Variants in LPCAT1 observed in about 807,000 individuals in gnomAD.
The protein encoded by LPCAT1 is 1-acylglycerol-3-phosphate O-acyltransferase.
LPCAT1 carries 23 observed loss-of-function variants against 60.9 expected under a neutral mutation model. The ratio of observed to expected loss-of-function variants is 0.38; its 90% CI spans 0.27 to 0.53. The LOEUF is 0.53. Ranked by LOEUF, LPCAT1 falls within the 20% of genes least tolerant of loss-of-function variation. The pLI is 0.82. For synonymous variants in LPCAT1, 340 were observed against 301.1 expected (o/e 1.13, Z -1.34); for missense variants, 622 against 723.6 (o/e 0.86, Z 1.61).
At chr5:1,520,950 A>G (rs1162158999) in intron 1 of LPCAT1, among the ~76,000 whole-genome samples, 2 of 152,056 alleles carry the variant, frequency 1.3e-5, no homozygotes, top group Non-Finnish European at 2.9e-5. Flanking sequence ...ACTCATACCC[A>G]CAGATTCCAA....
Position 1,463,373 on chromosome 5 carries a change from C to T in LPCAT1, c.*278G>A, listed in dbSNP as rs1474149184. On this transcript the variant is annotated 3_prime_UTR_variant, in exon 14 of 14. Transcript: ENST00000283415. ...CCCGTGGGAGAACACGGGGCGGCAC[C>T]GGTGCCCCCCGCCCGGCAGGGAACC... 2.3e-5 allele frequency: 10 copies of T among 440,242 alleles called. No individual in the cohort carries two copies. The highest frequency in any genetic ancestry group is 1.1e-4 in the East Asian group (3 of 26,646). 27.3% of individuals were successfully genotyped at this position (440,242 alleles called of 1,614,324 possible).
At position 1,466,742 on chromosome 5, in the gene LPCAT1, G is replaced by A. The variant is rs751091866; in HGVS notation, c.1420+7C>T. 5.0e-6 allele frequency: 8 copies of A among 1,608,632 alleles called. No individual in the cohort carries two copies. The highest frequency in any genetic ancestry group is 6.8e-6 in the Non-Finnish European group (8 of 1,176,616). ...TCGCGAGGACGACCCCACTCCTGCG[G>A]GCTCACCGAATGTGATCTTCCCCTT... is the stretch of plus-strand genomic sequence containing the variant. On this transcript the variant is annotated splice_region_variant and intron_variant, in intron 13 of 13. Transcript: ENST00000283415.
chr5:1,492,625 C>A (rs1331503531), intron 3 of LPCAT1, among the ~76,000 whole-genome samples: 1 of 152,254 alleles, frequency 6.6e-6, no homozygotes, highest in Non-Finnish European at 1.5e-5. Context: ...GAGGGCCCTG[C>A]ACACAGCAGC....
At chr5:1,497,383 C>A (rs999837694) in intron 2 of LPCAT1, among the ~76,000 whole-genome samples, 1 of 152,164 alleles carries the variant, frequency 6.6e-6, no homozygotes, top group Non-Finnish European at 1.5e-5. Context: ...CAGGCGCAGG[C>A]CCCGGCTCTG....
At chr5:1,489,725 A>C (rs750500349) in intron 4 of LPCAT1, 21 bp downstream of exon 4, 1 of 1,519,186 alleles carries the variant, frequency 6.6e-7, no homozygotes, top group Admixed American at 1.7e-5. Flanking sequence ...ACTGAAACAC[A>C]ATCAGGGCTA....
rs969961528 is a variant in LPCAT1 at position 1,481,104 on chromosome 5, G to C, written c.727-128C>G. The C allele has an allele frequency of 1.3e-5, 15 of 1,176,588 alleles. No individual in the cohort carries two copies. The highest frequency in any genetic ancestry group is 1.2e-4 in the East Asian group (5 of 42,516). The allele number at this position is 1,176,588 out of a possible 1,614,324, so 72.9% of individuals were successfully genotyped here. On this transcript the variant is annotated intron_variant, in intron 6 of 13. Coordinates refer to ENST00000283415, the MANE Select transcript of LPCAT1 (RefSeq NM_024830.5). This position sits in a 1 kb window ranked among gnomAD's most constrained non-coding sequence, Gnocchi z 7.8. Reference sequence around the variant, plus strand: ...AGGCGCTGCAGCCAGGGGGAAGGGAGGAGGGTGCTAGAGCTCCAGCTTCCC... The same window carrying C: ...AGGCGCTGCAGCCAGGGGGAAGGGACGAGGGTGCTAGAGCTCCAGCTTCCC...
At chr5:1,520,872 A>G (rs1251174776) in intron 1 of LPCAT1, among the ~76,000 whole-genome samples, 2 of 151,012 alleles carry the variant, frequency 1.3e-5, no homozygotes, top group Admixed American at 6.6e-5. Flanking sequence ...AAAAAAAAAA[A>G]AAAAAAAGAA....
chr5:1,478,719 C>T (rs1735020608), intron 8 of LPCAT1, among the ~76,000 whole-genome samples: 1 of 152,274 alleles, frequency 6.6e-6, no homozygotes, highest in South Asian at 2.1e-4. Flanking sequence ...TTTCGTAGTG[C>T]TCTCCAATAT....
intron 4 of LPCAT1, 137 bp downstream of exon 4, chr5:1,489,609 G>T: frequency 1.3e-6 from 1 of 743,878 alleles, no homozygotes; most frequent in Non-Finnish European, 2.4e-6. Context: ...GCACCCTCCT[G>T]AGTTCACGCA....
intron 3 of LPCAT1, among the ~76,000 whole-genome samples, chr5:1,491,456 C>T (rs987593737): frequency 2.8e-4 from 39 of 139,754 alleles, no homozygotes; most frequent in African/African-American, 1.0e-3. Context: ...AGAACAGTGA[C>T]GTGGGGGCGT....
chr5:1,481,117 G>A lies in LPCAT1; in HGVS notation c.727-141C>T, dbSNP rs1735123621. 3 of 1,047,904 alleles carry A rather than the reference G, an allele frequency of 2.9e-6. No individual in the cohort carries two copies. Among genetic ancestry groups the A allele is most frequent in the Admixed American group, 1.9e-5 (1 of 53,504 alleles). 64.9% of individuals were successfully genotyped at this position (1,047,904 alleles called of 1,614,324 possible). The stretch of plus-strand genomic sequence containing the variant: ...AGGGGGAAGGGAGGAGGGTGCTAGA[G>A]CTCCAGCTTCCCAGAGTCCCTGAGG... On this transcript the variant is annotated intron_variant, in intron 6 of 13. Coordinates refer to ENST00000283415, the MANE Select transcript of LPCAT1 (RefSeq NM_024830.5). This position sits in a 1 kb window ranked among gnomAD's most constrained non-coding sequence, Gnocchi z 7.8.
At position 1,489,770 on chromosome 5, in the gene LPCAT1, C is replaced by T. The variant is rs1355715766; in HGVS notation, c.582G>A (p.Ala194=). 1.1e-5 allele frequency: 18 copies of T among 1,613,574 alleles called. No homozygotes were observed. The highest frequency in any genetic ancestry group is 1.7e-5 in the Admixed American group (1 of 60,012). ...RKTVEEIKRR[A]QSNGKWPQIM... ...CCTGTGGCCACTTTCCGTTGGACTG[C>T]GCCCGTCTCTTGATTTCTTCTACTG... The change falls in exon 4 of 14, where the codon GCG becomes GCA. Residue 194 remains alanine (A), a synonymous_variant. Transcript: ENST00000283415.
intron 1 of LPCAT1, among the ~76,000 whole-genome samples, chr5:1,520,631 C>T (rs1471759888): frequency 2.0e-5 from 3 of 152,018 alleles, no homozygotes; most frequent in East Asian, 3.9e-4. Context: ...GAGGCCGAGG[C>T]GGGAGGATCA....
At chr5:1,517,920 C>T (rs116577621) in intron 1 of LPCAT1, among the ~76,000 whole-genome samples, 1,949 of 152,348 alleles carry the variant, frequency 0.013, 47 homozygotes, top group African/African-American at 0.042. Context: ...TCAGGAGAGC[C>T]GCATCCGGAA....
intron 8 of LPCAT1, among the ~76,000 whole-genome samples, chr5:1,478,648 GA>G (rs1363792306): frequency 1.3e-5 from 2 of 152,280 alleles, no homozygotes; most frequent in African/African-American, 4.8e-5. Flanking sequence ...CCTCTGTAAT[GA>G]GAGCAGCTTA....
Position 1,480,369 on chromosome 5 carries a change from T to C in LPCAT1, c.761+573A>G, listed in dbSNP as rs555676529. 3.0e-6 allele frequency: 3 copies of C among 985,278 alleles called. No individual in the cohort carries two copies. The highest frequency in any genetic ancestry group is 1.1e-4 in the East Asian group (1 of 8,786). 61.0% of individuals were successfully genotyped at this position (985,278 alleles called of 1,614,324 possible). Reference sequence around the variant, plus strand: ...CGCCTGGAATGGAGCTGCTCTCTCTTGGACTTTCCCGCTCCCTCTGCCCTC... The same window carrying C: ...CGCCTGGAATGGAGCTGCTCTCTCTCGGACTTTCCCGCTCCCTCTGCCCTC... On this transcript the variant is annotated intron_variant, in intron 7 of 13. Transcript: ENST00000283415. This position sits in a 1 kb window ranked among gnomAD's most constrained non-coding sequence, Gnocchi z 6.4.
chr5:1,518,804 G>A (rs547873209), intron 1 of LPCAT1, among the ~76,000 whole-genome samples: 1 of 152,366 alleles, frequency 6.6e-6, no homozygotes, highest in East Asian at 1.9e-4. Flanking sequence ...CAAGAGGCCA[G>A]CATCATTCTG....
At chr5:1,465,491 T>A (rs959334220) in intron 13 of LPCAT1, among the ~76,000 whole-genome samples, 1 of 136,768 alleles carries the variant, frequency 7.3e-6, no homozygotes, top group Non-Finnish European at 1.6e-5. Flanking sequence ...AACAAGCGCA[T>A]GCGCACACAG....
chr5:1,479,678 T>G lies in LPCAT1; in HGVS notation c.762-3A>C. On this transcript the variant is annotated splice_region_variant and splice_polypyrimidine_tract_variant and intron_variant, in intron 7 of 13. Transcript: ENST00000283415. The stretch of plus-strand genomic sequence containing the variant: ...GCGTGAGCCACAGGATTTCCAGCCT[T>G]AAAAACAGATTGCACAATGTTGAGC... 1.2e-6 allele frequency: 2 copies of G among 1,608,350 alleles called. No individual in the cohort carries two copies. Among genetic ancestry groups the G allele is most frequent in the Non-Finnish European group, 1.7e-6 (2 of 1,174,864 alleles).
Sources: gnomAD v4.1 joint callset for allele counts (sites outside exome capture counted in the v4.1 genomes callset) on GRCh38, gnomAD v4.1.1 for gene constraint, Gnocchi (gnomAD v3.1) non-coding constraint, MANE v1.5 for transcripts, NCBI Gene and HGNC (gene_info 2026-07-23, HGNC 2026-07-21) for gene names.